The following RAPGEF4 variants were observed in gnomAD, a reference collection of about 807,000 sequenced individuals.
RAPGEF4 encodes the protein Rap guanine nucleotide exchange factor 4, also known as RAP guanine-nucleotide-exchange factor (GEF) 4.
A neutral mutation model predicts 147.9 loss-of-function variants in RAPGEF4; 66 were observed. The ratio of observed to expected loss-of-function variants is 0.45; its 90% CI spans 0.37 to 0.55. The LOEUF (loss-of-function observed/expected upper bound fraction) is 0.55, where lower values mean the gene tolerates loss of function less well. Ranked by LOEUF, RAPGEF4 falls within the 20% of genes least tolerant of loss-of-function variation. The pLI is 0.00. For synonymous variants in RAPGEF4, 419 were observed against 442.7 expected, an observed-to-expected ratio of 0.95 and a Z score of 0.67; for missense variants, 1,071 against 1,257.3, an observed-to-expected ratio of 0.85 and a Z score of 2.24.
intron 4 of RAPGEF4, among the ~76,000 whole-genome samples, chr2:172,896,047 G>A (rs1412637678): frequency 3.3e-5 from 5 of 152,190 alleles, no homozygotes; most frequent in Admixed American, 2.0e-4. Flanking sequence ...CGTTGTCTGA[G>A]AAGTCAACAT....
intron 4 of RAPGEF4, among the ~76,000 whole-genome samples, chr2:172,844,993 A>G (rs564573965): frequency 6.6e-6 from 1 of 152,330 alleles, no homozygotes; most frequent in East Asian, 1.9e-4. Flanking sequence ...CTATATACAA[A>G]TGGAATCCAT....
chr2:172,878,927 TG>T (rs1299292524), intron 4 of RAPGEF4, among the ~76,000 whole-genome samples: 1 of 152,162 alleles, frequency 6.6e-6, no homozygotes, highest in African/African-American at 2.4e-5. Flanking sequence ...GGGAAAGCTG[TG>T]GGGAAACAAG....
rs1400191691 is a variant in RAPGEF4 at position 172,752,172 on chromosome 2, G to T, written c.65+16124G>T. 5.9e-5 allele frequency among the ~76,000 whole-genome samples: 4 copies of T among 67,946 alleles called. No homozygotes were observed. The East Asian group carries it at 2.0e-3, about 34-fold the overall frequency. 44.6% of individuals were successfully genotyped at this position (67,946 alleles called of 152,430 possible). ...GTGTCCTCATTCCCATCCTACCCAT[G>T]GAATTTTGGTTTTCATATTTAACCA... On this transcript the variant is annotated intron_variant, in intron 1 of 30. Coordinates refer to ENST00000397081, the MANE Select transcript of RAPGEF4 (RefSeq NM_007023.4).
In RAPGEF4 at chr2:172,891,275, G is replaced by A. The variant is rs1490250228; in HGVS notation, c.445-26527G>A. 3.3e-5 allele frequency among the ~76,000 whole-genome samples: 5 copies of A among 152,290 alleles called. No individual in the cohort carries two copies. The East Asian group carries it at 9.6e-4, about 29-fold the overall frequency. On this transcript the variant is annotated intron_variant, in intron 4 of 30. Transcript: ENST00000397081. ...GATTTTATCTTTCTTCCCTTCATGA[G>A]TTTCATGGGTGATTCTTACCTGATC...
chr2:172,982,189 A>G (rs1691754174), intron 10 of RAPGEF4, among the ~76,000 whole-genome samples: 1 of 152,152 alleles, frequency 6.6e-6, no homozygotes, highest in Non-Finnish European at 1.5e-5. Flanking sequence ...AATTTCTTTG[A>G]CCAGGGAACA....
intron 1 of RAPGEF4, among the ~76,000 whole-genome samples, chr2:172,794,025 G>A (rs1377532358): frequency 1.3e-5 from 2 of 152,014 alleles, no homozygotes; most frequent in East Asian, 3.9e-4. Context: ...CTACTTGGAA[G>A]GTTGAAGTGG....
At position 172,831,266 on chromosome 2, in the gene RAPGEF4, C is replaced by CTTTTTTTTTTGTTTTTTTTTTTTTT. The variant is rs1690283634; in HGVS notation, c.444+16851_444+16852insGTTTTTTTTTTTTTTTTTTTTTTTT. On this transcript the variant is annotated intron_variant, in intron 4 of 30. Coordinates refer to ENST00000397081, the MANE Select transcript of RAPGEF4 (RefSeq NM_007023.4). Reference sequence around the variant, plus strand: ...AAATGTGACTGTTTCAGATAGAAAACTTTTTTTTTTTTTTTTTTTGAGACA... The same window carrying CTTTTTTTTTTGTTTTTTTTTTTTTT: ...AAATGTGACTGTTTCAGATAGAAAACTTTTTTTTTTGTTTTTTTTTTTTTTTTTTTTTTTTTTTTTTTTTGAGACA... 3.7e-5 allele frequency among the ~76,000 whole-genome samples: 2 copies of CTTTTTTTTTTGTTTTTTTTTTTTTT among 53,876 alleles called. 1 individual carries two copies. The highest frequency in any genetic ancestry group is 7.1e-5 in the Non-Finnish European group (2 of 28,100). 35.3% of individuals were successfully genotyped at this position (53,876 alleles called of 152,430 possible). A position where few individuals can be genotyped will look rare whatever the true frequency, so the allele number is the denominator to read the frequency against.
chr2:172,917,516 G>A, intron 4 of RAPGEF4: 1 of 643,602 alleles, frequency 1.6e-6, no homozygotes. Flanking sequence ...GGGGTGCAGG[G>A]GGTGCTAAAT....
At chr2:172,795,833 T>C (rs1220415723) in intron 2 of RAPGEF4, among the ~76,000 whole-genome samples, 1 of 152,226 alleles carries the variant, frequency 6.6e-6, no homozygotes, top group Non-Finnish European at 1.5e-5. Context: ...CTTCAGGTCC[T>C]TCCTGTATTT....
At chr2:172,764,253 A>G (rs1450287771) in intron 1 of RAPGEF4, among the ~76,000 whole-genome samples, 1 of 5,206 alleles carries the variant, frequency 1.9e-4, no homozygotes, top group East Asian at 0.5. Context: ...ACCCTGTCTC[A>G]AAAAAAAAAA....
At chr2:173,035,665 T>C (rs998434213) in intron 27 of RAPGEF4, among the ~76,000 whole-genome samples, 2 of 152,214 alleles carry the variant, frequency 1.3e-5, no homozygotes, top group African/African-American at 4.8e-5. Context: ...AGCATAACTT[T>C]TGACTTTCCC....
intron 4 of RAPGEF4, chr2:172,917,493 G>C: frequency 1.6e-6 from 1 of 623,200 alleles, no homozygotes; most frequent in East Asian, 3.5e-5. Context: ...GCTTGTGTTT[G>C]TGGGGTTGGG....
At chr2:172,805,455 C>T (rs1473008482) in intron 3 of RAPGEF4, among the ~76,000 whole-genome samples, 1 of 152,098 alleles carries the variant, frequency 6.6e-6, no homozygotes, top group Admixed American at 6.5e-5. Context: ...AAAATGAAAC[C>T]TACTGCAACA....
intron 6 of RAPGEF4, among the ~76,000 whole-genome samples, chr2:172,948,419 A>G (rs766602755): frequency 1.3e-5 from 2 of 152,294 alleles, no homozygotes; most frequent in Admixed American, 1.3e-4. Context: ...TGTCCCAAAA[A>G]CAGTCAGAAA....
Position 172,989,121 on chromosome 2 carries a change from G to A in RAPGEF4, c.1374+282G>A, listed in dbSNP as rs549820603. On this transcript the variant is annotated intron_variant, in intron 14 of 30. Transcript: ENST00000397081. ...TGAGAATTGACGATAAATAGGAATT[G>A]CCTTGGCAAAATGTCAGTCTGAGAA... Among the ~76,000 whole-genome samples, 14 of 152,306 alleles carry A rather than the reference G, an allele frequency of 9.2e-5. No individual in the cohort carries two copies. The South Asian group carries it at 2.9e-3, about 32-fold the overall frequency.
At chr2:172,837,473 T>C (rs981343015) in intron 4 of RAPGEF4, among the ~76,000 whole-genome samples, 1 of 152,162 alleles carries the variant, frequency 6.6e-6, no homozygotes, top group Non-Finnish European at 1.5e-5. Flanking sequence ...TGATCAAGCA[T>C]TATCAGTGAC....
intron 4 of RAPGEF4, among the ~76,000 whole-genome samples, chr2:172,884,105 T>C (rs1030136959): frequency 6.6e-6 from 1 of 152,156 alleles, no homozygotes; most frequent in African/African-American, 2.4e-5. Context: ...GATGACAGTG[T>C]TTAAATTCTA....
chr2:173,015,983 T>A (rs1695475532), intron 18 of RAPGEF4, among the ~76,000 whole-genome samples: 1 of 152,222 alleles, frequency 6.6e-6, no homozygotes, highest in East Asian at 1.9e-4. Flanking sequence ...GGCTTTCATA[T>A]AAATATCATA....
At chr2:172,808,155 T>C (rs1026455733) in intron 3 of RAPGEF4, among the ~76,000 whole-genome samples, 5 of 152,242 alleles carry the variant, frequency 3.3e-5, no homozygotes, top group African/African-American at 9.6e-5. Context: ...CACATAACCA[T>C]TGGCTTTCTT....
Sources: allele counts gnomAD v4.1 joint callset (sites outside exome capture counted in the v4.1 genomes callset), GRCh38; gene constraint gnomAD v4.1.1; transcripts MANE v1.5; gene names NCBI Gene and HGNC (gene_info 2026-07-23, HGNC 2026-07-21).